CERK: variants seen among roughly 807,000 people sequenced by gnomAD.
The protein encoded by CERK is acylsphingosine kinase.
CERK carries 39 observed loss-of-function variants against 63.4 expected under a neutral mutation model. The ratio of observed to expected loss-of-function variants is 0.61; its 90% CI spans 0.48 to 0.80. CERK has a LOEUF of 0.80. Ranked by LOEUF, CERK falls within the 30% of genes least tolerant of loss-of-function variation. CERK has a pLI of 0.00. For synonymous variants in CERK, 302 were observed against 280.0 expected, an observed-to-expected ratio of 1.08 and a Z score of -0.78; for missense variants, 670 against 714.1, an observed-to-expected ratio of 0.94 and a Z score of 0.70.
At chr22:46,692,734 A>G (rs956517431) in intron 10 of CERK, among the ~76,000 whole-genome samples, 2 of 151,670 alleles carry the variant, frequency 1.3e-5, no homozygotes, top group Admixed American at 6.6e-5. Flanking sequence ...GTGAAACCCC[A>G]TCTTTACTAA....
In CERK at chr22:46,722,995, G is replaced by A. The variant is rs139150277; in HGVS notation, c.143-1980C>T. Among the ~76,000 whole-genome samples the A allele has an allele frequency of 2.4e-3, 365 of 152,294 alleles. 1 individual carries two copies. Among genetic ancestry groups the A allele is most frequent in the African/African-American group, 8.2e-3 (340 of 41,558 alleles). ...AAGGAAAGGGCGAGCGGCTGCGAGA[G>A]GGTGGCCACTCTGGGTGGAGGGATA... On this transcript the variant is annotated intron_variant, in intron 1 of 12. Transcript: ENST00000216264.
intron 3 of CERK, among the ~76,000 whole-genome samples, chr22:46,713,906 A>G (rs1428412383): frequency 1.3e-5 from 2 of 152,010 alleles, no homozygotes; most frequent in African/African-American, 4.8e-5. Flanking sequence ...CCAAGGCAGG[A>G]GGATCATATG....
At position 46,721,059 on chromosome 22, in the gene CERK, C is replaced by A. The variant is rs772102785; in HGVS notation, c.143-44G>T. ...CTTCTGTCAAAGAATTCGTCAGAAT[C>A]CACACAGGTAAAATCAGTCCAACTC... On this transcript the variant is annotated intron_variant, in intron 1 of 12. Transcript: ENST00000216264. 4.2e-5 allele frequency: 53 copies of A among 1,248,586 alleles called. 1 individual carries two copies. The South Asian group carries it at 6.2e-4, about 15-fold the overall frequency. 77.3% of individuals were successfully genotyped at this position (1,248,586 alleles called of 1,614,324 possible). A position where few individuals can be genotyped will look rare whatever the true frequency, so the allele number is the denominator to read the frequency against.
intron 9 of CERK, among the ~76,000 whole-genome samples, chr22:46,694,287 G>A (rs1162388700): frequency 1.3e-5 from 2 of 152,076 alleles, no homozygotes; most frequent in South Asian, 2.1e-4. Context: ...CACTAGGGAG[G>A]TCATGCGGCC....
chr22:46,690,969 A>G (rs571798520), intron 11 of CERK, among the ~76,000 whole-genome samples: 14 of 151,786 alleles, frequency 9.2e-5, no homozygotes, highest in East Asian at 1.9e-4. Flanking sequence ...ATGTGTGTGT[A>G]TATGTATGTA....
intron 11 of CERK, among the ~76,000 whole-genome samples, chr22:46,691,161 A>T (rs947800161): frequency 2.0e-5 from 3 of 151,696 alleles, no homozygotes; most frequent in African/African-American, 7.3e-5. Flanking sequence ...TGTAGCCTCC[A>T]CCTCCTGGGT....
intron 5 of CERK, among the ~76,000 whole-genome samples, chr22:46,709,242 G>A (rs994662261): frequency 1.4e-4 from 21 of 152,324 alleles, no homozygotes; most frequent in Admixed American, 6.5e-4. Context: ...CCTCCTGCAC[G>A]GCATGTCCCT....
intron 8 of CERK, among the ~76,000 whole-genome samples, chr22:46,696,664 C>T (rs1018107564): frequency 6.6e-6 from 1 of 152,264 alleles, no homozygotes; most frequent in African/African-American, 2.4e-5. Context: ...CCAGAACAAC[C>T]GGGTGCTTTC....
chr22:46,696,273 G>C (rs2082755736), intron 8 of CERK, among the ~76,000 whole-genome samples: 1 of 152,214 alleles, frequency 6.6e-6, no homozygotes, highest in African/African-American at 2.4e-5. Context: ...GCATGGGCCA[G>C]GTGCCTGGAA....
intron 1 of CERK, among the ~76,000 whole-genome samples, chr22:46,727,641 G>A (rs759846339): frequency 6.6e-6 from 1 of 152,052 alleles, no homozygotes; most frequent in African/African-American, 2.4e-5. Flanking sequence ...TCCATTCCCT[G>A]TGGAACCCAC....
intron 1 of CERK, among the ~76,000 whole-genome samples, chr22:46,737,565 T>G (rs1192271167): frequency 6.6e-6 from 1 of 152,198 alleles, no homozygotes; most frequent in East Asian, 1.9e-4. Context: ...CAAGGGCGCC[T>G]CTCAGGTTTC....
chr22:46,702,714 C>T (rs142741069), intron 6 of CERK, among the ~76,000 whole-genome samples: 182 of 152,390 alleles, frequency 1.2e-3, no homozygotes, highest in African/African-American at 3.9e-3. Flanking sequence ...TCCCCGTGAA[C>T]GGGGCCGGCT....
At position 46,691,626 on chromosome 22, in the gene CERK, G is replaced by A. The variant is rs774919636; in HGVS notation, c.1278C>T (p.Cys426=). The A allele has an allele frequency of 1.1e-5, 17 of 1,613,916 alleles. No individual in the cohort carries two copies. The South Asian group carries it at 1.4e-4, about 14-fold the overall frequency. The change falls in exon 11 of 13, where the codon TGC becomes TGT. Residue 426 remains cysteine (C), a synonymous_variant. Transcript: ENST00000216264. ...GAAATCTCAGAAAATTGAACCTGGA[G>A]CATTTCCGGATGAGGATGAGGTCAG... ...GSSDLILIRK[C]SRFNFLRFLI...
intron 12 of CERK, 51 bp from the exon 13 acceptor site, chr22:46,687,257 C>T (rs371083385): frequency 1.5e-5 from 23 of 1,494,556 alleles, no homozygotes; most frequent in Admixed American, 1.2e-4. Flanking sequence ...TCACTCAAAG[C>T]TGGCCTGAGC....
chr22:46,692,747 A>C (rs1361686386), intron 10 of CERK, among the ~76,000 whole-genome samples: 2 of 151,836 alleles, frequency 1.3e-5, no homozygotes, highest in Non-Finnish European at 2.9e-5. Context: ...TTTACTAAAA[A>C]TACAAAGATT....
chr22:46,711,029 G>C lies in CERK; in HGVS notation c.569+57C>G, dbSNP rs564352615. 10 of 1,411,480 alleles carry C rather than the reference G, an allele frequency of 7.1e-6. No individual in the cohort carries two copies. The African/African-American group carries it at 1.1e-4, about 16-fold the overall frequency. The allele number at this position is 1,411,480 out of a possible 1,614,324, so 87.4% of individuals were successfully genotyped here. A position where few individuals can be genotyped will look rare whatever the true frequency, so the allele number is the denominator to read the frequency against. On this transcript the variant is annotated intron_variant, in intron 5 of 12. Transcript: ENST00000216264. ...AAAGGAGCTCTCAAAACTGAGAGGT[G>C]GGTAGAACTTTTTCATTAACAATGG...
chr22:46,696,388 C>T (rs976441307), intron 8 of CERK, among the ~76,000 whole-genome samples: 9 of 152,272 alleles, frequency 5.9e-5, no homozygotes, highest in East Asian at 1.9e-4. Context: ...ACAAGGACGT[C>T]GTGTCCACGG....
chr22:46,693,395 T>G (rs370517391), intron 10 of CERK, 32 bp downstream of exon 10: 4 of 1,581,746 alleles, frequency 2.5e-6, no homozygotes, highest in African/African-American at 1.3e-5. Context: ...GCACACACAG[T>G]GACAACACTG....
At chr22:46,723,307 T>C (rs2082901731) in intron 1 of CERK, among the ~76,000 whole-genome samples, 1 of 152,174 alleles carries the variant, frequency 6.6e-6, no homozygotes, top group African/African-American at 2.4e-5. Flanking sequence ...CTGCACAGCT[T>C]TATTGAGGAA....
Sources: allele counts gnomAD v4.1 joint callset (sites outside exome capture counted in the v4.1 genomes callset), GRCh38; gene constraint gnomAD v4.1.1; transcripts MANE v1.5; gene names NCBI Gene and HGNC (gene_info 2026-07-23, HGNC 2026-07-21).